The following MAN1A1 variants were observed in gnomAD, a reference collection of about 807,000 sequenced individuals.
MAN1A1 encodes mannosidase alpha class 1A member 1.
MAN1A1 carries 29 observed loss-of-function variants against 70.8 expected under a neutral mutation model. The ratio of observed to expected loss-of-function variants is 0.41; its 90% CI spans 0.31 to 0.56. The LOEUF is 0.56. MAN1A1 is among the 20% of genes least tolerant of loss of function. The pLI is 0.29. For synonymous variants in MAN1A1, 349 were observed against 330.1 expected (o/e 1.06, Z -0.62); for missense variants, 747 against 841.3 (o/e 0.89, Z 1.39).
intron 4 of MAN1A1, among the ~76,000 whole-genome samples, chr6:119,294,065 C>T (rs910441203): frequency 1.3e-5 from 2 of 152,098 alleles, no homozygotes; most frequent in African/African-American, 4.8e-5. Flanking sequence ...CCCAGGGTCA[C>T]TGGAAAATCA....
chr6:119,256,263 T>C (rs1775455184), intron 5 of MAN1A1, among the ~76,000 whole-genome samples: 2 of 152,216 alleles, frequency 1.3e-5, no homozygotes, highest in Admixed American at 1.3e-4. Flanking sequence ...TAGAATGTTC[T>C]AGTGAATAGG....
chr6:119,214,725 C>T (rs1207144043), intron 6 of MAN1A1, among the ~76,000 whole-genome samples: 1 of 152,122 alleles, frequency 6.6e-6, no homozygotes, highest in East Asian at 1.9e-4. Context: ...AGGCTGGTCT[C>T]CAACTTGTGA....
chr6:119,327,331 A>G (rs553356349), intron 2 of MAN1A1: 2 of 151,418 alleles, frequency 1.3e-5, no homozygotes, highest in African/African-American at 4.9e-5. Flanking sequence ...AGAGAAGATT[A>G]GCACGGCCCC....
Position 119,348,455 on chromosome 6 carries a change from C to T in MAN1A1, c.603+8G>A, listed in dbSNP as rs757902429. 28 of 1,582,806 alleles carry T rather than the reference C, an allele frequency of 1.8e-5. No individual in the cohort carries two copies. The highest frequency in any genetic ancestry group is 2.3e-5 in the Non-Finnish European group (27 of 1,162,068). ...GGTCGGGAGGGATTTCTGGCGCGGC[C>T]CACTCACCTCTTTGATCTTTGCCCT... is the stretch of plus-strand genomic sequence containing the variant. On this transcript the variant is annotated splice_region_variant and intron_variant, in intron 2 of 12. Coordinates refer to ENST00000368468, the MANE Select transcript of MAN1A1 (RefSeq NM_005907.4).
chr6:119,295,760 T>C (rs1310548162), intron 4 of MAN1A1, among the ~76,000 whole-genome samples: 1 of 152,168 alleles, frequency 6.6e-6, no homozygotes, highest in Non-Finnish European at 1.5e-5. Context: ...AGCTTTCTAC[T>C]TAGTGAATTA....
intron 2 of MAN1A1, among the ~76,000 whole-genome samples, chr6:119,331,197 T>C (rs1773300185): frequency 6.6e-6 from 1 of 152,226 alleles, no homozygotes; most frequent in Non-Finnish European, 1.5e-5. Context: ...AGAGCCTTTG[T>C]TGTCACTTCT....
chr6:119,336,434 T>G (rs539480876), intron 2 of MAN1A1, among the ~76,000 whole-genome samples: 166 of 152,284 alleles, frequency 1.1e-3, no homozygotes, highest in African/African-American at 3.7e-3. Context: ...ATCATTACTT[T>G]ATAGGAAATG....
At chr6:119,210,898 G>GC (rs1562193977) in intron 6 of MAN1A1, 3 of 455,828 alleles carry the variant, frequency 6.6e-6, no homozygotes, top group Non-Finnish European at 1.3e-5. Flanking sequence ...TCATATGGTA[G>GC]CCTCCATAGC....
intron 11 of MAN1A1, 104 bp from the exon 12 acceptor site, chr6:119,180,531 T>TTTTTTA (rs1773124187): frequency 1.6e-6 from 1 of 629,988 alleles, no homozygotes; most frequent in African/African-American, 1.8e-5. Flanking sequence ...TTTTTTTTTT[T>TTTTTTA]GAGACAGGGC....
At chr6:119,298,236 C>G (rs1772275346) in intron 4 of MAN1A1, among the ~76,000 whole-genome samples, 2 of 152,174 alleles carry the variant, frequency 1.3e-5, no homozygotes. Flanking sequence ...GATACTTGAA[C>G]TGAATACAAG....
At chr6:119,291,602 C>T (rs1772021229) in intron 4 of MAN1A1, among the ~76,000 whole-genome samples, 1 of 151,698 alleles carries the variant, frequency 6.6e-6, no homozygotes, top group Non-Finnish European at 1.5e-5. Flanking sequence ...GCTATTCAGC[C>T]TATACTTAGG....
intron 5 of MAN1A1, among the ~76,000 whole-genome samples, chr6:119,274,256 G>T (rs1299939400): frequency 6.6e-6 from 1 of 152,096 alleles, no homozygotes; most frequent in East Asian, 1.9e-4. Flanking sequence ...TATGATATAT[G>T]ACAATAAATC....
At chr6:119,343,066 C>T (rs1410893127) in intron 2 of MAN1A1, among the ~76,000 whole-genome samples, 1 of 151,810 alleles carries the variant, frequency 6.6e-6, no homozygotes, top group African/African-American at 2.4e-5. Flanking sequence ...GATTTCTAAA[C>T]CATGCCACTG....
intron 5 of MAN1A1, among the ~76,000 whole-genome samples, chr6:119,270,789 G>A (rs903045831): frequency 6.6e-6 from 1 of 152,158 alleles, no homozygotes; most frequent in Non-Finnish European, 1.5e-5. Flanking sequence ...TATCCCTTGA[G>A]TTGGTCATTA....
intron 5 of MAN1A1, among the ~76,000 whole-genome samples, chr6:119,265,862 A>C (rs1214769204): frequency 6.6e-6 from 1 of 152,220 alleles, no homozygotes; most frequent in Admixed American, 6.5e-5. Flanking sequence ...CATATTTTCT[A>C]TGCAGAAAAT....
At chr6:119,250,503 A>T (rs1775286700) in intron 5 of MAN1A1, among the ~76,000 whole-genome samples, 1 of 152,188 alleles carries the variant, frequency 6.6e-6, no homozygotes, top group Non-Finnish European at 1.5e-5. Flanking sequence ...ATATTTAAAG[A>T]CTTTAAGACA....
rs141307261 is a variant in MAN1A1, at chr6:119,343,184, T to C, written c.603+5279A>G. ...CCAACTTAGTATAAGGTCAAATTTATAATAATGCAGAATTGTATGTTTTCT... is the reference window on the plus strand; with the variant it reads ...CCAACTTAGTATAAGGTCAAATTTACAATAATGCAGAATTGTATGTTTTCT... On this transcript the variant is annotated intron_variant, in intron 2 of 12. Transcript: ENST00000368468. Among the ~76,000 whole-genome samples the C allele has an allele frequency of 1.9e-3, 293 of 152,128 alleles. 1 individual carries two copies. Among genetic ancestry groups the C allele is most frequent in the African/African-American group, 7.0e-3 (289 of 41,518 alleles).
At chr6:119,189,442 C>T (rs2114932228) in intron 10 of MAN1A1, among the ~76,000 whole-genome samples, 1 of 152,234 alleles carries the variant, frequency 6.6e-6, no homozygotes, top group African/African-American at 2.4e-5. Flanking sequence ...GGCTTTAACT[C>T]TTTATGGCCT....
intron 7 of MAN1A1, 130 bp from the exon 8 acceptor site, chr6:119,201,477 T>C: frequency 1.6e-6 from 1 of 643,904 alleles, no homozygotes; most frequent in Non-Finnish European, 2.8e-6. Flanking sequence ...TGTTAGCTTA[T>C]TATTACAAAC....
Sources: gnomAD v4.1 joint callset for allele counts (sites outside exome capture counted in the v4.1 genomes callset) on GRCh38, gnomAD v4.1.1 for gene constraint, MANE v1.5 for transcripts, NCBI Gene and HGNC (gene_info 2026-07-23, HGNC 2026-07-21) for gene names.